The following SGCZ variants were observed in gnomAD, a reference collection of about 807,000 sequenced individuals.
SGCZ encodes sarcoglycan zeta.
Under a neutral mutation model 41.3 loss-of-function variants are expected in SGCZ, and 40 were observed. The ratio of observed to expected loss-of-function variants is 0.97; its 90% CI spans 0.75 to 1.26. The LOEUF is 1.26. Among genes scored for constraint, SGCZ ranks in the 50% most tolerant of loss-of-function variants. The pLI is 0.00. For synonymous variants in SGCZ, 206 were observed against 137.5 expected (o/e 1.50, Z -3.49); for missense variants, 552 against 369.8 (o/e 1.49, Z -4.04).
At chr8:14,123,778 C>T (rs1766163194) in intron 5 of SGCZ, among the ~76,000 whole-genome samples, 1 of 152,154 alleles carries the variant, frequency 6.6e-6, no homozygotes, top group Admixed American at 6.5e-5. Context: ...ATCCCTGAAA[C>T]CTGTGAATAT....
intron 2 of SGCZ, among the ~76,000 whole-genome samples, chr8:14,508,006 G>T (rs1802358828): frequency 1.3e-5 from 2 of 152,068 alleles, no homozygotes; most frequent in African/African-American, 2.4e-5. Context: ...CCCGAAATCA[G>T]GTGATCTGGC....
intron 4 of SGCZ, among the ~76,000 whole-genome samples, chr8:14,187,372 G>T (rs1038535401): frequency 6.6e-6 from 1 of 152,160 alleles, no homozygotes; most frequent in African/African-American, 2.4e-5. Flanking sequence ...AACAGAAACT[G>T]CTTGTGAGAA....
intron 1 of SGCZ, among the ~76,000 whole-genome samples, chr8:14,566,953 G>A (rs973005584): frequency 3.4e-4 from 52 of 152,170 alleles, no homozygotes; most frequent in Non-Finnish European, 3.5e-4. Flanking sequence ...TGGCCCCACC[G>A]GCCCCGGGCA....
At chr8:15,187,300 C>T (rs1026431881) in intron 1 of SGCZ, among the ~76,000 whole-genome samples, 6 of 151,964 alleles carry the variant, frequency 3.9e-5, no homozygotes, top group African/African-American at 7.2e-5. Context: ...ATAATTCAAA[C>T]GAAGAAACTC....
At chr8:14,847,707 GA>G (rs1803181270) in intron 1 of SGCZ, among the ~76,000 whole-genome samples, 1 of 124,920 alleles carries the variant, frequency 8.0e-6, no homozygotes, top group African/African-American at 3.0e-5. Flanking sequence ...GGAGAGGAGG[GA>G]GGGGAGGAGG....
chr8:14,456,949 C>T (rs1007738896), intron 2 of SGCZ, among the ~76,000 whole-genome samples: 2 of 152,156 alleles, frequency 1.3e-5, no homozygotes, highest in African/African-American at 2.4e-5. Context: ...CTCACTTTGC[C>T]TTCTGCCATG....
chr8:14,534,188 G>A (rs971904586), intron 2 of SGCZ, among the ~76,000 whole-genome samples: 4 of 151,996 alleles, frequency 2.6e-5, no homozygotes, highest in African/African-American at 7.2e-5. Flanking sequence ...CCAGGTGAAA[G>A]CTGAAGTTAT....
intron 1 of SGCZ, among the ~76,000 whole-genome samples, chr8:14,844,447 G>C (rs1029282675): frequency 3.3e-5 from 5 of 152,166 alleles, no homozygotes; most frequent in Non-Finnish European, 7.3e-5. Context: ...CCAACAGCAT[G>C]TAACAAACGT....
chr8:14,259,430 T>A (rs1799576161), intron 3 of SGCZ, among the ~76,000 whole-genome samples: 1 of 151,130 alleles, frequency 6.6e-6, no homozygotes, highest in Admixed American at 6.6e-5. Context: ...CTTCTAGGGT[T>A]TTTATGGTTT....
At chr8:15,201,663 A>C (rs1237523986) in intron 1 of SGCZ, among the ~76,000 whole-genome samples, 1 of 152,176 alleles carries the variant, frequency 6.6e-6, no homozygotes, top group African/African-American at 2.4e-5. Context: ...GCTTCCCTCA[A>C]CTCACAGGGA....
At chr8:14,352,621 G>T (rs913260953) in intron 2 of SGCZ, among the ~76,000 whole-genome samples, 1 of 152,204 alleles carries the variant, frequency 6.6e-6, no homozygotes, top group African/African-American at 2.4e-5. Context: ...GTGTCCTCTG[G>T]CTTGGGTAAC....
intron 4 of SGCZ, among the ~76,000 whole-genome samples, chr8:14,218,359 G>A (rs1158507150): frequency 1.3e-5 from 2 of 152,126 alleles, no homozygotes; most frequent in African/African-American, 4.8e-5. Context: ...ACTCTAGGAA[G>A]AAAATTAATG....
intron 3 of SGCZ, among the ~76,000 whole-genome samples, chr8:14,282,975 G>A (rs1483704123): frequency 3.5e-5 from 5 of 143,496 alleles, no homozygotes; most frequent in African/African-American, 1.0e-4. Context: ...TCAGCCTCCC[G>A]AGTAGCTGGG....
chr8:14,704,985 T>C (rs113203839), intron 1 of SGCZ, among the ~76,000 whole-genome samples: 69 of 152,116 alleles, frequency 4.5e-4, no homozygotes, highest in African/African-American at 1.6e-3. Flanking sequence ...TTTATAACTT[T>C]GAAATTGACA....
chr8:14,718,631 T>G (rs1366774222), intron 1 of SGCZ, among the ~76,000 whole-genome samples: 2 of 141,984 alleles, frequency 1.4e-5, no homozygotes, highest in Admixed American at 1.5e-4. Context: ...TTTAGGAAAT[T>G]ATATAAGTTC....
At chr8:14,440,848 T>C (rs534886598) in intron 2 of SGCZ, among the ~76,000 whole-genome samples, 1 of 135,056 alleles carries the variant, frequency 7.4e-6, no homozygotes, top group Non-Finnish European at 1.6e-5. Flanking sequence ...TGTGTACATA[T>C]ATGTACACAC....
intron 1 of SGCZ, among the ~76,000 whole-genome samples, chr8:14,598,772 G>A (rs374428093): frequency 6.6e-5 from 10 of 152,036 alleles, no homozygotes; most frequent in Admixed American, 2.0e-4. Context: ...TTAAGCAATC[G>A]CCTGACTTGG....
At chr8:14,175,271 T>C (rs1804508356) in intron 4 of SGCZ, among the ~76,000 whole-genome samples, 1 of 152,090 alleles carries the variant, frequency 6.6e-6, no homozygotes, top group Non-Finnish European at 1.5e-5. Flanking sequence ...AACAAATTTA[T>C]GTGAAGAAAA....
rs71209049 is a variant in SGCZ at position 14,485,833 on chromosome 8, A to ATT, written c.234+68897_234+68898dup. On this transcript the variant is annotated intron_variant, in intron 2 of 7. Coordinates refer to ENST00000382080, the MANE Select transcript of SGCZ (RefSeq NM_139167.4). ...ACTACTTTATATTTTCTCTAGAACA[A>ATT]TTTTTTTTTTTTTTTTTTTGAGACG... Among the ~76,000 whole-genome samples the ATT allele has an allele frequency of 1.4e-4, 14 of 103,380 alleles. 1 individual carries two copies. The highest frequency in any genetic ancestry group is 3.5e-4 in the African/African-American group (10 of 28,496). The allele number at this position is 103,380 out of a possible 152,430, so 67.8% of individuals were successfully genotyped here.
Sources: gnomAD v4.1 joint callset for allele counts (sites outside exome capture counted in the v4.1 genomes callset) on GRCh38, gnomAD v4.1.1 for gene constraint, MANE v1.5 for transcripts, NCBI Gene and HGNC (gene_info 2026-07-23, HGNC 2026-07-21) for gene names.